The following TMEM131 variants were observed in gnomAD, a reference collection of about 807,000 sequenced individuals.
The protein encoded by TMEM131 is 2610524E03Rik.
In TMEM131, 66 loss-of-function variants were observed where a neutral mutation model predicts 211.6. The ratio of observed to expected loss-of-function variants is 0.31; its 90% CI spans 0.26 to 0.38. The LOEUF (loss-of-function observed/expected upper bound fraction) is 0.38, where lower values mean the gene tolerates loss of function less well. Ranked by LOEUF, TMEM131 falls within the 10% of genes least tolerant of loss-of-function variation. TMEM131 has a pLI of 1.00. For missense variants in TMEM131, 2,036 were observed against 2,299.3 expected, an observed-to-expected ratio of 0.89 and a Z score of 2.34; for synonymous variants, 844 against 841.3, an observed-to-expected ratio of 1.00 and a Z score of -0.06.
chr2:97,988,150 C>T (rs68115667), intron 1 of TMEM131, among the ~76,000 whole-genome samples: 39,545 of 152,128 alleles, frequency 0.26, 5,573 homozygotes, highest in Middle Eastern at 0.36. Flanking sequence ...CAGAAATAAA[C>T]CCTTGCATAT....
At chr2:97,880,637 CTG>C (rs1188615877) in intron 4 of TMEM131, among the ~76,000 whole-genome samples, 3 of 152,064 alleles carry the variant, frequency 2.0e-5, no homozygotes, top group African/African-American at 7.2e-5. Flanking sequence ...CGTTCATGGA[CTG>C]GAGATACAGA....
At position 97,846,410 on chromosome 2, in the gene TMEM131, A is replaced by G. The variant is rs1559397671; in HGVS notation, c.484-2149T>C. ...CAACATTCAAAAATCAAATCAATGT[A>G]ATTTACTTAACAGACTAAAGAAAAA... On this transcript the variant is annotated intron_variant, in intron 5 of 40. Transcript: ENST00000186436. Among the ~76,000 whole-genome samples, 5 of 152,230 alleles carry G rather than the reference A, an allele frequency of 3.3e-5. No homozygotes were observed. The South Asian group carries it at 6.2e-4, about 19-fold the overall frequency.
At chr2:97,803,716 G>A (rs1681149406) in intron 22 of TMEM131, among the ~76,000 whole-genome samples, 1 of 152,168 alleles carries the variant, frequency 6.6e-6, no homozygotes, top group Admixed American at 6.5e-5. Context: ...AGATAGACAG[G>A]GAGCCAAGGT....
At chr2:97,889,948 G>A (rs1005278739) in intron 3 of TMEM131, among the ~76,000 whole-genome samples, 12 of 152,130 alleles carry the variant, frequency 7.9e-5, no homozygotes, top group African/African-American at 1.9e-4. Context: ...CAAACACGGC[G>A]GGGCTGTGTT....
At chr2:97,966,104 T>C (rs1336393965) in intron 1 of TMEM131, among the ~76,000 whole-genome samples, 1 of 151,768 alleles carries the variant, frequency 6.6e-6, no homozygotes, top group Non-Finnish European at 1.5e-5. Context: ...TATTTTTCCC[T>C]TGTCATAAAA....
At chr2:97,903,650 G>C (rs1399501277) in intron 3 of TMEM131, among the ~76,000 whole-genome samples, 2 of 152,022 alleles carry the variant, frequency 1.3e-5, no homozygotes, top group Admixed American at 1.3e-4. Context: ...ATCAAATAAT[G>C]AGTAAATATC....
intron 1 of TMEM131, among the ~76,000 whole-genome samples, chr2:97,966,297 A>AAC (rs1213510831): frequency 3.3e-5 from 5 of 152,094 alleles, no homozygotes; most frequent in Admixed American, 2.6e-4. Flanking sequence ...CCGGGTGGTT[A>AAC]ACAGAGTCTG....
chr2:97,766,728 T>C lies in TMEM131; in HGVS notation c.4449-126A>G, dbSNP rs1679187340. ...GAAGCTAATGTGGCTTCCTGGGGCG[T>C]TATCTACCCTTGGTCCTAACTCAGG... On this transcript the variant is annotated intron_variant, in intron 33 of 40. Transcript: ENST00000186436. The C allele has an allele frequency of 3.5e-6, 4 of 1,140,072 alleles. No homozygotes were observed. The South Asian group carries it at 4.3e-5, about 12-fold the overall frequency. 70.6% of individuals were successfully genotyped at this position (1,140,072 alleles called of 1,614,324 possible).
chr2:97,783,908 GA>G (rs919029774), intron 31 of TMEM131, among the ~76,000 whole-genome samples: 5 of 151,174 alleles, frequency 3.3e-5, no homozygotes, highest in South Asian at 2.1e-4. Context: ...TAAAAGGATG[GA>G]AAAAAAATCA....
intron 1 of TMEM131, among the ~76,000 whole-genome samples, chr2:97,952,886 A>T (rs1481774566): frequency 2.6e-5 from 4 of 152,184 alleles, no homozygotes; most frequent in Middle Eastern, 3.2e-3. Flanking sequence ...TGTCTCATTA[A>T]AACAAAAACA....
At chr2:97,916,888 TA>T in intron 2 of TMEM131, among the ~76,000 whole-genome samples, 1 of 152,296 alleles carries the variant, frequency 6.6e-6, no homozygotes, top group East Asian at 1.9e-4. Flanking sequence ...TTTAGAAGAG[TA>T]CCTGACTTGT....
chr2:97,845,749 C>T (rs1450826677), intron 5 of TMEM131, among the ~76,000 whole-genome samples: 1 of 119,216 alleles, frequency 8.4e-6, no homozygotes, highest in Non-Finnish European at 1.8e-5. Flanking sequence ...AAATAGAAAA[C>T]AGAAAGTAGC....
intron 30 of TMEM131, 76 bp downstream of exon 30, chr2:97,793,319 A>C: frequency 4.1e-6 from 6 of 1,455,726 alleles, no homozygotes; most frequent in Non-Finnish European, 5.6e-6. Context: ...AGATGAAAAG[A>C]AACTTATTTT....
chr2:97,973,307 C>A (rs529319625), intron 1 of TMEM131, among the ~76,000 whole-genome samples: 3 of 152,184 alleles, frequency 2.0e-5, no homozygotes, highest in Non-Finnish European at 4.4e-5. Context: ...GAAACTCACA[C>A]GAACTGCATT....
chr2:97,823,114 C>T (rs757623856), intron 11 of TMEM131, among the ~76,000 whole-genome samples: 2 of 152,126 alleles, frequency 1.3e-5, no homozygotes, highest in Admixed American at 6.5e-5. Flanking sequence ...TTGCAATTTA[C>T]ATCCCACAGG....
chr2:97,924,411 A>G (rs1676891248), intron 2 of TMEM131, among the ~76,000 whole-genome samples: 1 of 152,076 alleles, frequency 6.6e-6, no homozygotes, highest in Non-Finnish European at 1.5e-5. Flanking sequence ...TCAGCTGTGG[A>G]GCTCCGTATG....
intron 15 of TMEM131, among the ~76,000 whole-genome samples, chr2:97,813,352 C>A (rs1681651368): frequency 6.6e-6 from 1 of 152,182 alleles, no homozygotes; most frequent in African/African-American, 2.4e-5. Flanking sequence ...TAAAGGGCTA[C>A]ATTTCTAGAT....
chr2:97,847,274 A>G (rs188400261), intron 5 of TMEM131, among the ~76,000 whole-genome samples: 30 of 152,296 alleles, frequency 2.0e-4, no homozygotes, highest in Non-Finnish European at 3.4e-4. Flanking sequence ...TTCAGATAAC[A>G]TGGCTTTCTA....
chr2:97,968,187 A>G (rs533038435), intron 1 of TMEM131, among the ~76,000 whole-genome samples: 28 of 152,264 alleles, frequency 1.8e-4, no homozygotes, highest in African/African-American at 6.7e-4. Context: ...AAGACATGGC[A>G]CCTACTGAAT....
Sources: gnomAD v4.1 joint callset for allele counts (sites outside exome capture counted in the v4.1 genomes callset) on GRCh38, gnomAD v4.1.1 for gene constraint, MANE v1.5 for transcripts, NCBI Gene and HGNC (gene_info 2026-07-23, HGNC 2026-07-21) for gene names.